RTTN: variants seen among roughly 807,000 people sequenced by gnomAD.
RTTN encodes the protein rotatin.
A neutral mutation model predicts 269.2 loss-of-function variants in RTTN; 182 were observed. The ratio of observed to expected loss-of-function variants is 0.68; its 90% CI spans 0.60 to 0.76. The LOEUF (loss-of-function observed/expected upper bound fraction) is 0.76, where lower values mean the gene tolerates loss of function less well. RTTN is among the 30% of genes least tolerant of loss of function. The pLI is 0.00. For missense variants in RTTN, 2,545 were observed against 2,608.6 expected (o/e 0.98, Z 0.53); for synonymous variants, 1,006 against 963.5 (o/e 1.04, Z -0.82).
intron 10 of RTTN, among the ~76,000 whole-genome samples, chr18:70,181,225 A>G (rs1297332795): frequency 1.3e-5 from 2 of 152,218 alleles, no homozygotes; most frequent in Admixed American, 1.3e-4. Context: ...AGAAGCAATG[A>G]GTCATAAAGA....
At chr18:70,082,686 A>G in intron 32 of RTTN, among the ~76,000 whole-genome samples, 1 of 152,112 alleles carries the variant, frequency 6.6e-6, no homozygotes, top group East Asian at 1.9e-4. Flanking sequence ...CAGAGAATGT[A>G]GTATGCAGGG....
chr18:70,131,048 T>C (rs1201882060), intron 23 of RTTN: 1 of 151,412 alleles, frequency 6.6e-6, no homozygotes, highest in Non-Finnish European at 1.5e-5. Context: ...ACAATAAAAC[T>C]GACAGCCAAT....
chr18:70,075,684 A>G (rs1878689791), intron 32 of RTTN, 143 bp from the exon 33 acceptor site: 2 of 600,886 alleles, frequency 3.3e-6, no homozygotes, highest in Non-Finnish European at 5.5e-6. Flanking sequence ...TTACACAGTT[A>G]TAGCAGCCTG....
intron 12 of RTTN, 137 bp from the exon 13 acceptor site, chr18:70,167,168 T>C (rs999977621): frequency 6.6e-6 from 4 of 608,892 alleles, no homozygotes; most frequent in Non-Finnish European, 1.1e-5. Context: ...GTCCACTTTC[T>C]CATCAAGCAA....
At chr18:70,035,301 G>C (rs1456516652) in intron 40 of RTTN, among the ~76,000 whole-genome samples, 2 of 152,182 alleles carry the variant, frequency 1.3e-5, no homozygotes, top group Non-Finnish European at 2.9e-5. Flanking sequence ...CAAGCTACTT[G>C]ACTTCAAACT....
intron 1 of RTTN, 84 bp downstream of exon 1, chr18:70,205,544 G>T: frequency 6.4e-7 from 1 of 1,568,374 alleles, no homozygotes; most frequent in Non-Finnish European, 8.8e-7. Context: ...CGGAGCGGCC[G>T]GCCGCGGAAA....
chr18:70,010,305 C>A (rs1337555377), intron 46 of RTTN, among the ~76,000 whole-genome samples: 1 of 152,220 alleles, frequency 6.6e-6, no homozygotes, highest in African/African-American at 2.4e-5. Context: ...CACCACATCG[C>A]ACTTATTCTA....
At chr18:70,094,264 T>C (rs762442300) in intron 28 of RTTN, among the ~76,000 whole-genome samples, 1 of 152,018 alleles carries the variant, frequency 6.6e-6, no homozygotes, top group Non-Finnish European at 1.5e-5. Flanking sequence ...GATTCATTGA[T>C]TTTTTTTGAA....
rs147893272 is a variant in RTTN, at chr18:70,052,282, A to C, written c.5186-734T>G. 9.6e-3 allele frequency among the ~76,000 whole-genome samples: 1,460 copies of C among 152,282 alleles called. 22 individuals carry two copies. The highest frequency in any genetic ancestry group is 0.033 in the African/African-American group (1,388 of 41,544). ...GAGGAGATCCATCTAGGTGTACTTC[A>C]GCACCTATGAGATACTTGAAAACTG... On this transcript the variant is annotated intron_variant, in intron 38 of 48. Coordinates refer to ENST00000640769, the MANE Select transcript of RTTN (RefSeq NM_173630.4).
At position 70,200,074 on chromosome 18, in the gene RTTN, T is replaced by C. The variant is rs1225296797; in HGVS notation, c.488-570A>G. Among the ~76,000 whole-genome samples the C allele has an allele frequency of 3.9e-5, 6 of 152,246 alleles. No homozygotes were observed. In the East Asian group the frequency reaches 1.2e-3, roughly 29 times the overall value. On this transcript the variant is annotated intron_variant, in intron 4 of 48. Coordinates refer to ENST00000640769, the MANE Select transcript of RTTN (RefSeq NM_173630.4). ...TTTTAAACTATCCCCATGCAAGTTATTTTTAACAGATCTTATATAGTACAA... is the reference window on the plus strand; with the variant it reads ...TTTTAAACTATCCCCATGCAAGTTACTTTTAACAGATCTTATATAGTACAA...
chr18:70,205,532 C>T (rs1034604365), intron 1 of RTTN, 96 bp downstream of exon 1: 2 of 1,529,058 alleles, frequency 1.3e-6, no homozygotes. Context: ...AGGGAGCGGT[C>T]GCGGAGCGGC....
chr18:70,040,437 T>C (rs200624907), intron 40 of RTTN, among the ~76,000 whole-genome samples: 2 of 152,188 alleles, frequency 1.3e-5, no homozygotes, highest in East Asian at 1.9e-4. Flanking sequence ...ATTGTGAGTA[T>C]ATATGTACCC....
At chr18:70,100,917 GGGAT>G (rs1419862485) in intron 28 of RTTN, among the ~76,000 whole-genome samples, 1 of 152,154 alleles carries the variant, frequency 6.6e-6, no homozygotes, top group Non-Finnish European at 1.5e-5. Flanking sequence ...TTGCATCCCA[GGGAT>G]GAAGCCCACT....
intron 16 of RTTN, 23 bp from the exon 17 acceptor site, chr18:70,149,060 G>GAC (rs774664845): frequency 1.2e-6 from 2 of 1,602,660 alleles, no homozygotes; most frequent in Non-Finnish European, 1.7e-6. Context: ...TTTTTAAAGA[G>GAC]AAATTATTGT....
At chr18:70,036,704 G>T (rs1459101686) in intron 40 of RTTN, among the ~76,000 whole-genome samples, 1 of 152,102 alleles carries the variant, frequency 6.6e-6, no homozygotes, top group Non-Finnish European at 1.5e-5. Flanking sequence ...AGTTAAAAAA[G>T]AATCGGCTGG....
rs756149107 is a variant in RTTN, at chr18:70,088,040, A to G, written c.4251T>C (p.Thr1417=). 3 of 1,613,938 alleles carry G rather than the reference A, an allele frequency of 1.9e-6. No homozygotes were observed. Among genetic ancestry groups the G allele is most frequent in the South Asian group, 2.2e-5 (2 of 91,080 alleles). ...CQNISGGLWG[T]VVNILLDQSE... ...ACTGGTCCAGAAGAATGTTCACCAC[A>G]GTTCCCCAGAGCCCACCGGAAATGT... Residue 1417 remains threonine, a synonymous_variant, in exon 31 of 49, where the codon ACT becomes ACC. Transcript: ENST00000640769.
chr18:70,005,156 G>A (rs767042695), intron 48 of RTTN, 42 bp downstream of exon 48: 5 of 1,445,766 alleles, frequency 3.5e-6, no homozygotes, highest in Non-Finnish European at 3.8e-6. Flanking sequence ...CCACTTAATA[G>A]CTTCTGAGTT....
At chr18:70,065,804 T>C (rs756680690) in intron 35 of RTTN, 25 bp downstream of exon 35, 2 of 1,486,892 alleles carry the variant, frequency 1.3e-6, no homozygotes, top group African/African-American at 1.4e-5. Flanking sequence ...TTTTTGAAGG[T>C]AGAATGTCTT....
At chr18:70,141,160 A>C (rs1340432877) in intron 19 of RTTN, among the ~76,000 whole-genome samples, 1 of 152,154 alleles carries the variant, frequency 6.6e-6, no homozygotes, top group African/African-American at 2.4e-5. Context: ...ATTGTTGTTA[A>C]AACTAAAAAT....
Sources: allele counts gnomAD v4.1 joint callset (sites outside exome capture counted in the v4.1 genomes callset), GRCh38; gene constraint gnomAD v4.1.1; transcripts MANE v1.5; gene names NCBI Gene and HGNC (gene_info 2026-07-23, HGNC 2026-07-21).